Variants in IQSEC1 observed in about 807,000 individuals in gnomAD.
IQSEC1 encodes IQ motif and Sec7 domain ArfGEF 1.
A neutral mutation model predicts 91.0 loss-of-function variants in IQSEC1; 31 were observed. The ratio of observed to expected loss-of-function variants is 0.34; its 90% CI spans 0.26 to 0.46. The LOEUF is 0.46. Ranked by LOEUF, IQSEC1 falls within the 20% of genes least tolerant of loss-of-function variation. The pLI is 1.00. For synonymous variants in IQSEC1, 699 were observed against 662.6 expected (o/e 1.05, Z -0.84); for missense variants, 1,388 against 1,575.6 (o/e 0.88, Z 2.02).
intron 4 of IQSEC1, among the ~76,000 whole-genome samples, chr3:12,923,965 C>A (rs1000110345): frequency 6.6e-6 from 1 of 152,214 alleles, no homozygotes; most frequent in African/African-American, 2.4e-5. Context: ...CTCACCAGCT[C>A]TCTGAACTGA....
intron 1 of IQSEC1, among the ~76,000 whole-genome samples, chr3:13,225,636 A>G (rs1472574251): frequency 6.6e-6 from 1 of 152,180 alleles, no homozygotes; most frequent in Non-Finnish European, 1.5e-5. Context: ...TAAAGAATAG[A>G]TCCCTGCCAT....
At chr3:13,189,835 T>G (rs1377791629) in intron 1 of IQSEC1, among the ~76,000 whole-genome samples, 1 of 152,194 alleles carries the variant, frequency 6.6e-6, no homozygotes, top group Admixed American at 6.5e-5. Flanking sequence ...GAGACCCATG[T>G]GAGCTGTCCC....
chr3:12,907,426 G>A (rs1180593623), intron 12 of IQSEC1, among the ~76,000 whole-genome samples: 7 of 152,200 alleles, frequency 4.6e-5, no homozygotes, highest in Admixed American at 4.6e-4. Flanking sequence ...GGGCAGACCT[G>A]CGTGGGACAA....
At chr3:13,177,561 A>G (rs146740037) in intron 1 of IQSEC1, among the ~76,000 whole-genome samples, 1,427 of 73,682 alleles carry the variant, frequency 0.019, 16 homozygotes, top group African/African-American at 0.076. Context: ...ATGGGGCTTC[A>G]CCCCCCATTC....
intron 1 of IQSEC1, among the ~76,000 whole-genome samples, chr3:12,957,788 C>A (rs889630514): frequency 6.6e-6 from 1 of 152,208 alleles, no homozygotes; most frequent in African/African-American, 2.4e-5. Flanking sequence ...TTCCCATGTA[C>A]CCACTGCCCC....
At chr3:12,969,537 A>G (rs1700794067) in intron 1 of IQSEC1, among the ~76,000 whole-genome samples, 1 of 152,204 alleles carries the variant, frequency 6.6e-6, no homozygotes, top group South Asian at 2.1e-4. Flanking sequence ...AAGCTGGGAG[A>G]GGATAGGGTA....
chr3:13,128,379 A>C (rs1202493222), intron 2 of IQSEC1, among the ~76,000 whole-genome samples: 3 of 152,158 alleles, frequency 2.0e-5, no homozygotes, highest in Non-Finnish European at 4.4e-5. Context: ...TTTCTTAATC[A>C]TGCATGGGCA....
In IQSEC1 at chr3:12,935,308, C is replaced by T. The variant is rs1053177790; in HGVS notation, c.1568+140G>A. On this transcript the variant is annotated intron_variant, in intron 3 of 13. Coordinates refer to ENST00000613206, the MANE Select transcript of IQSEC1 (RefSeq NM_001134382.3). The surrounding 1 kb of genome is among the most constrained non-coding windows in gnomAD (Gnocchi z 8.0). ...CACAGGCTGGCACCGTCCTAGCCAC[C>T]GACCTTGTGTGGCAGCTTCCTATGC... 12 of 806,192 alleles carry T rather than the reference C, an allele frequency of 1.5e-5. No individual in the cohort carries two copies. The highest frequency in any genetic ancestry group is 1.3e-4 in the East Asian group (5 of 37,650). 49.9% of individuals were successfully genotyped at this position (806,192 alleles called of 1,614,324 possible). A position where few individuals can be genotyped will look rare whatever the true frequency, so the allele number is the denominator to read the frequency against.
At chr3:13,270,775 T>C (rs896754826) in intron 1 of IQSEC1, among the ~76,000 whole-genome samples, 4 of 152,204 alleles carry the variant, frequency 2.6e-5, no homozygotes, top group Non-Finnish European at 5.9e-5. Flanking sequence ...CAAAATTGTA[T>C]ATATAAATCT....
At chr3:12,986,059 C>T (rs956126928) in intron 1 of IQSEC1, among the ~76,000 whole-genome samples, 7 of 152,202 alleles carry the variant, frequency 4.6e-5, no homozygotes, top group African/African-American at 1.7e-4. Context: ...CTCATTTCAG[C>T]CTGAGCGACC....
At chr3:13,142,991 T>C (rs1323093990) in intron 2 of IQSEC1, among the ~76,000 whole-genome samples, 1 of 152,204 alleles carries the variant, frequency 6.6e-6, no homozygotes, top group African/African-American at 2.4e-5. Flanking sequence ...TCTTTGCAAA[T>C]GTCACCTCTT....
chr3:12,933,410 G>C (rs531509181), intron 3 of IQSEC1, among the ~76,000 whole-genome samples: 1 of 152,112 alleles, frequency 6.6e-6, no homozygotes, highest in Non-Finnish European at 1.5e-5. Context: ...TGTGTGTAGA[G>C]CCCAGCGATA....
At chr3:13,191,591 C>T (rs1202565632) in intron 1 of IQSEC1, among the ~76,000 whole-genome samples, 1 of 150,208 alleles carries the variant, frequency 6.7e-6, no homozygotes, top group Admixed American at 6.7e-5. Context: ...CCTGCCTCTG[C>T]CTCTCAAAGT....
chr3:13,107,304 A>C (rs1706166071), intron 2 of IQSEC1, among the ~76,000 whole-genome samples: 1 of 152,364 alleles, frequency 6.6e-6, no homozygotes, highest in Non-Finnish European at 1.5e-5. Flanking sequence ...TTTGAGGTCT[A>C]GATCCTCTAT....
intron 2 of IQSEC1, among the ~76,000 whole-genome samples, chr3:13,152,465 T>G (rs1707015427): frequency 1.3e-5 from 2 of 152,260 alleles, no homozygotes; most frequent in Admixed American, 6.5e-5. Context: ...TGAAACTTCA[T>G]GAGTCTCAAA....
At chr3:13,045,830 C>A (rs1704474165) in intron 1 of IQSEC1, among the ~76,000 whole-genome samples, 1 of 152,232 alleles carries the variant, frequency 6.6e-6, no homozygotes, top group Non-Finnish European at 1.5e-5. Context: ...ACACAGGAAC[C>A]CACACGCCTG....
intron 1 of IQSEC1, among the ~76,000 whole-genome samples, chr3:13,219,177 G>T (rs1475667473): frequency 2.6e-5 from 4 of 152,138 alleles, no homozygotes; most frequent in African/African-American, 9.7e-5. Context: ...CCCTCCAAAA[G>T]CTCAGTCCAT....
chr3:13,198,561 C>T (rs1694177999), intron 1 of IQSEC1, among the ~76,000 whole-genome samples: 2 of 152,180 alleles, frequency 1.3e-5, no homozygotes, highest in African/African-American at 4.8e-5. Flanking sequence ...GCATGACACT[C>T]TGGGTGGCAC....
intron 1 of IQSEC1, among the ~76,000 whole-genome samples, chr3:13,204,549 AGCT>A (rs1694306029): frequency 6.6e-6 from 1 of 152,220 alleles, no homozygotes; most frequent in African/African-American, 2.4e-5. Flanking sequence ...GCTGCGCCTC[AGCT>A]GCCCCATCTC....
Sources: allele counts gnomAD v4.1 joint callset (sites outside exome capture counted in the v4.1 genomes callset), GRCh38; gene constraint gnomAD v4.1.1; non-coding constraint Gnocchi (gnomAD v3.1); transcripts MANE v1.5; gene names NCBI Gene and HGNC (gene_info 2026-07-23, HGNC 2026-07-21).